The following SEMA6D variants were observed in gnomAD, a reference collection of about 807,000 sequenced individuals.
SEMA6D encodes semaphorin-6D.
In SEMA6D, 35 loss-of-function variants were observed where a neutral mutation model predicts 106.6. The observed-to-expected ratio is 0.33, with a 90% CI of 0.25 to 0.44. SEMA6D has a LOEUF of 0.44. Among genes scored for constraint, SEMA6D ranks in the 20% least tolerant of loss-of-function variants. The pLI is 1.00. For synonymous variants in SEMA6D, 499 were observed against 487.7 expected, an observed-to-expected ratio of 1.02 and a Z score of -0.31; for missense variants, 1,185 against 1,345.9, an observed-to-expected ratio of 0.88 and a Z score of 1.87.
intron 1 of SEMA6D, among the ~76,000 whole-genome samples, chr15:47,210,352 TC>T (rs1240304208): frequency 4.6e-5 from 7 of 152,296 alleles, no homozygotes; most frequent in Non-Finnish European, 8.8e-5. Context: ...TTATATGACC[TC>T]CCTTTCTTAG....
chr15:47,503,553 T>A (rs1656606), intron 3 of SEMA6D, among the ~76,000 whole-genome samples: 54,081 of 152,074 alleles, frequency 0.36, 10,141 homozygotes, highest in East Asian at 0.49. Context: ...GTTCTTTCAT[T>A]TCCATTTACA....
At position 47,348,725 on chromosome 15, in the gene SEMA6D, C is replaced by CAGAGAGAGAGAGAGAG. The variant is rs1398441234; in HGVS notation, c.-238-63667_-238-63666insGAGAGAGAGAGAGAGA. 1.8e-3 allele frequency among the ~76,000 whole-genome samples: 86 copies of CAGAGAGAGAGAGAGAG among 47,732 alleles called. 2 individuals are homozygous for CAGAGAGAGAGAGAGAG. Among genetic ancestry groups the CAGAGAGAGAGAGAGAG allele is most frequent in the African/African-American group, 3.7e-3 (80 of 21,426 alleles). The allele number at this position is 47,732 out of a possible 152,430, so 31.3% of individuals were successfully genotyped here. A position where few individuals can be genotyped will look rare whatever the true frequency, so the allele number is the denominator to read the frequency against. ...CACACACACACACACACACCACACA[C>CAGAGAGAGAGAGAGAG]ACAGAGAGAGAGAGAGAGAGAGAGA... On this transcript the variant is annotated intron_variant, in intron 1 of 19. Transcript: ENST00000558014.
chr15:47,491,988 A>G (rs560124746), intron 3 of SEMA6D, among the ~76,000 whole-genome samples: 16 of 152,300 alleles, frequency 1.1e-4, no homozygotes, highest in African/African-American at 3.6e-4. Flanking sequence ...TTAATCATGA[A>G]TGCTGGGTAT....
At chr15:47,753,755 G>A (rs572821259) in intron 1 of SEMA6D, among the ~76,000 whole-genome samples, 6 of 152,240 alleles carry the variant, frequency 3.9e-5, no homozygotes, top group East Asian at 1.9e-4. Flanking sequence ...GCAGGACTTC[G>A]ACCAAAGACT....
At chr15:47,214,162 C>G (rs1487319181) in intron 1 of SEMA6D, among the ~76,000 whole-genome samples, 11 of 152,194 alleles carry the variant, frequency 7.2e-5, no homozygotes, top group Non-Finnish European at 1.2e-4. Flanking sequence ...AACCATATCT[C>G]TCTCACTGCC....
At chr15:47,456,999 A>C (rs1596044017) in intron 2 of SEMA6D, among the ~76,000 whole-genome samples, 1 of 152,006 alleles carries the variant, frequency 6.6e-6, no homozygotes, top group African/African-American at 2.4e-5. Flanking sequence ...CCAATAAAGA[A>C]GTGGGTGAAA....
At chr15:47,472,298 C>T (rs914203577) in intron 3 of SEMA6D, among the ~76,000 whole-genome samples, 3 of 152,122 alleles carry the variant, frequency 2.0e-5, no homozygotes, top group Non-Finnish European at 4.4e-5. Context: ...ATTTTTAAAA[C>T]GGTTGCCCAG....
chr15:47,265,397 A>T (rs947151790), intron 1 of SEMA6D, among the ~76,000 whole-genome samples: 1 of 151,716 alleles, frequency 6.6e-6, no homozygotes, highest in African/African-American at 2.4e-5. Context: ...TATTTCAGTT[A>T]TGGTACTTTG....
intron 1 of SEMA6D, among the ~76,000 whole-genome samples, chr15:47,250,538 A>G (rs977319752): frequency 1.4e-5 from 2 of 147,816 alleles, no homozygotes; most frequent in Admixed American, 1.3e-4. Context: ...TCTATTATGT[A>G]TATTTGTTTA....
At chr15:47,555,189 G>GT (rs1387023600) in intron 3 of SEMA6D, among the ~76,000 whole-genome samples, 1 of 152,116 alleles carries the variant, frequency 6.6e-6, no homozygotes, top group South Asian at 2.1e-4. Flanking sequence ...TCTAAGGGAG[G>GT]TAAGATATTT....
At chr15:47,263,896 A>G (rs543910741) in intron 1 of SEMA6D, among the ~76,000 whole-genome samples, 2 of 151,882 alleles carry the variant, frequency 1.3e-5, no homozygotes, top group African/African-American at 2.4e-5. Flanking sequence ...ACATGAATGC[A>G]TCTATTCATT....
chr15:47,477,321 G>T (rs562759191), intron 3 of SEMA6D, among the ~76,000 whole-genome samples: 3 of 152,160 alleles, frequency 2.0e-5, no homozygotes, highest in Admixed American at 1.3e-4. Context: ...ACCTTCTTGG[G>T]GTTATCTGGT....
chr15:47,653,864 T>C (rs914347147), intron 4 of SEMA6D, among the ~76,000 whole-genome samples: 7 of 152,242 alleles, frequency 4.6e-5, no homozygotes, highest in Admixed American at 1.3e-4. Context: ...TTAAAGGCCC[T>C]TGCCGTCATT....
intron 1 of SEMA6D, among the ~76,000 whole-genome samples, chr15:47,373,084 T>A (rs2039330561): frequency 6.6e-6 from 1 of 152,214 alleles, no homozygotes; most frequent in African/African-American, 2.4e-5. Flanking sequence ...CCACCTCTAA[T>A]CTTATTGTGA....
intron 4 of SEMA6D, among the ~76,000 whole-genome samples, chr15:47,652,467 C>A (rs2077710080): frequency 6.6e-6 from 1 of 152,150 alleles, no homozygotes; most frequent in Admixed American, 6.5e-5. Context: ...CTCCTCACCC[C>A]GCCTGCCCGC....
At chr15:47,455,984 A>G (rs1399761474) in intron 2 of SEMA6D, among the ~76,000 whole-genome samples, 1 of 151,958 alleles carries the variant, frequency 6.6e-6, no homozygotes, top group Non-Finnish European at 1.5e-5. Context: ...CTCTGCCATG[A>G]TGATGATGGC....
At chr15:47,687,709 A>C (rs1035732987) in intron 4 of SEMA6D, among the ~76,000 whole-genome samples, 2 of 152,194 alleles carry the variant, frequency 1.3e-5, no homozygotes, top group African/African-American at 2.4e-5. Flanking sequence ...CCGGCAACAG[A>C]GGCTGACAGC....
At chr15:47,407,658 A>G (rs2040640911) in intron 1 of SEMA6D, among the ~76,000 whole-genome samples, 1 of 152,174 alleles carries the variant, frequency 6.6e-6, no homozygotes, top group Admixed American at 6.5e-5. Context: ...TCATATATGT[A>G]TAAGGTGGGT....
intron 3 of SEMA6D, among the ~76,000 whole-genome samples, chr15:47,555,129 C>G (rs2045879382): frequency 2.6e-5 from 4 of 152,102 alleles, no homozygotes; most frequent in Admixed American, 1.3e-4. Flanking sequence ...AGCCACTTCC[C>G]CAGGAGGATG....
Sources: allele counts gnomAD v4.1 joint callset (sites outside exome capture counted in the v4.1 genomes callset), GRCh38; gene constraint gnomAD v4.1.1; transcripts MANE v1.5; gene names NCBI Gene and HGNC (gene_info 2026-07-23, HGNC 2026-07-21).